FAM167A: variants seen among roughly 807,000 people sequenced by gnomAD.
FAM167A encodes the protein family with sequence similarity 167 member A.
Under a neutral mutation model 14.9 loss-of-function variants are expected in FAM167A, and 23 were observed. That is an observed-to-expected ratio of 1.55 (90% CI 1.11 to 2.19). The LOEUF (loss-of-function observed/expected upper bound fraction) is 2.19. FAM167A is among the 30% of genes most tolerant of loss of function. FAM167A has a pLI of 0.00. For missense variants in FAM167A, 401 were observed against 281.5 expected (o/e 1.42, Z -3.04); for synonymous variants, 174 against 117.7 (o/e 1.48, Z -3.10).
At chr8:11,473,284 G>A (rs1034333503) in intron 1 of FAM167A, among the ~76,000 whole-genome samples, 3 of 152,204 alleles carry the variant, frequency 2.0e-5, no homozygotes, top group African/African-American at 7.2e-5. Flanking sequence ...GAACACTGGT[G>A]TGGGGGGAAG....
intron 1 of FAM167A, among the ~76,000 whole-genome samples, chr8:11,451,299 G>A (rs907989759): frequency 6.6e-6 from 1 of 152,206 alleles, no homozygotes; most frequent in East Asian, 1.9e-4. Context: ...CAGTGGCAAG[G>A]AGCTGGGGGC....
intron 2 of FAM167A, among the ~76,000 whole-genome samples, chr8:11,435,335 A>T (rs1805933772): frequency 1.3e-5 from 2 of 152,154 alleles, no homozygotes; most frequent in African/African-American, 4.8e-5. Context: ...CATGGCACCC[A>T]CGTGTTGGGC....
intron 2 of FAM167A, among the ~76,000 whole-genome samples, chr8:11,429,049 G>A (rs972170446): frequency 2.6e-5 from 4 of 151,754 alleles, no homozygotes; most frequent in Admixed American, 6.6e-5. Flanking sequence ...ACGTTGTCGC[G>A]CAACCACCAT....
intron 1 of FAM167A, among the ~76,000 whole-genome samples, chr8:11,465,613 T>G (rs1223079468): frequency 6.6e-6 from 1 of 152,196 alleles, no homozygotes; most frequent in Admixed American, 6.5e-5. Context: ...GCCAACGCCC[T>G]CAGGCAACAG....
chr8:11,428,506 C>G (rs1438592020), intron 2 of FAM167A, among the ~76,000 whole-genome samples: 1 of 152,210 alleles, frequency 6.6e-6, no homozygotes. Context: ...GATGGTGATT[C>G]CGGCCGGTCT....
intron 2 of FAM167A, among the ~76,000 whole-genome samples, chr8:11,428,332 C>T (rs960042167): frequency 7.2e-5 from 11 of 152,168 alleles, no homozygotes; most frequent in African/African-American, 2.7e-4. Flanking sequence ...TCTTTAAGAC[C>T]CATCAGAGGC....
chr8:11,463,225 C>T (rs1028138969), intron 1 of FAM167A, among the ~76,000 whole-genome samples: 3 of 152,258 alleles, frequency 2.0e-5, no homozygotes, highest in African/African-American at 7.2e-5. Flanking sequence ...AAAATAGCAG[C>T]AGCCACACAA....
intron 1 of FAM167A, among the ~76,000 whole-genome samples, chr8:11,456,408 G>T (rs1397185392): frequency 8.3e-5 from 10 of 120,386 alleles, no homozygotes; most frequent in African/African-American, 9.3e-5. Context: ...AGTGTGGGGG[G>T]TGGTTGCCTT....
chr8:11,435,829 ATCAT>A (rs1399915899), intron 2 of FAM167A, among the ~76,000 whole-genome samples: 1 of 152,238 alleles, frequency 6.6e-6, no homozygotes, highest in African/African-American at 2.4e-5. Flanking sequence ...CACACTACTG[ATCAT>A]TTATGAGAAT....
At chr8:11,448,345 A>T (rs1419848964) in intron 1 of FAM167A, among the ~76,000 whole-genome samples, 1 of 152,230 alleles carries the variant, frequency 6.6e-6, no homozygotes, top group Non-Finnish European at 1.5e-5. Flanking sequence ...GGGATTCAAT[A>T]AGGTTACAAA....
rs921094245 is a variant in FAM167A at position 11,434,359 on chromosome 8, G to C, written c.381+9672C>G. ...CTGGCCTGGGACTGTGGATGGGAGG[G>C]GGGCAGGTGCAATGGCTCCTGTCAC... On this transcript the variant is annotated intron_variant, in intron 2 of 2. Coordinates refer to ENST00000284486, the MANE Select transcript of FAM167A (RefSeq NM_053279.3). Among the ~76,000 whole-genome samples the C allele has an allele frequency of 4.6e-5, 7 of 152,268 alleles. No individual in the cohort carries two copies. In the South Asian group the frequency reaches 1.0e-3, roughly 23 times the overall value.
At chr8:11,449,083 G>A (rs1390199863) in intron 1 of FAM167A, among the ~76,000 whole-genome samples, 1 of 152,250 alleles carries the variant, frequency 6.6e-6, no homozygotes, top group African/African-American at 2.4e-5. Context: ...GCCAGATGGT[G>A]AGGAGCTGCT....
At chr8:11,435,145 T>C (rs1444619182) in intron 2 of FAM167A, 3 of 456,548 alleles carry the variant, frequency 6.6e-6, no homozygotes, top group Admixed American at 2.3e-5. Flanking sequence ...TCCAGCCTCC[T>C]CTCCCACTCT....
chr8:11,440,345 A>G (rs1226562683), intron 2 of FAM167A, among the ~76,000 whole-genome samples: 1 of 152,194 alleles, frequency 6.6e-6, no homozygotes, highest in Non-Finnish European at 1.5e-5. Flanking sequence ...CATTAGCCTG[A>G]AGGAAAATCT....
intron 1 of FAM167A, among the ~76,000 whole-genome samples, chr8:11,457,072 G>A (rs1199660510): frequency 1.7e-5 from 2 of 117,964 alleles, no homozygotes; most frequent in Admixed American, 1.7e-4. Context: ...GCTGGGTTGG[G>A]GAAGTGGGCG....
chr8:11,441,227 G>C (rs1806415648), intron 2 of FAM167A, among the ~76,000 whole-genome samples: 1 of 152,212 alleles, frequency 6.6e-6, no homozygotes, highest in African/African-American at 2.4e-5. Flanking sequence ...AGTTATGACA[G>C]ACACAGGGCT....
intron 1 of FAM167A, among the ~76,000 whole-genome samples, chr8:11,456,140 T>TGA (rs1366997329): frequency 1.9e-4 from 4 of 21,190 alleles, no homozygotes; most frequent in Admixed American, 5.9e-4. Flanking sequence ...CCTTGCTGTG[T>TGA]GTGTGTGTGA....
chr8:11,444,104 C>G lies in FAM167A; in HGVS notation c.308G>C (p.Arg103Thr). 1 of 1,613,512 alleles carries G rather than the reference C, an allele frequency of 6.2e-7. No homozygotes were observed. Among genetic ancestry groups the G allele is most frequent in the African/African-American group, 1.3e-5 (1 of 75,076 alleles). Residue 103 changes from arginine (R) to threonine (T), a missense_variant, in exon 2 of 3, where the codon AGA (arginine) becomes ACA (threonine). Transcript: ENST00000284486. ...TTCCAGCTTGCCAGTGGACAGGGGT[C>G]TGGCACCTTGGCTGGCACTCCTGGC... ...PSARSASQGARPLSTGKLEGF... is the reference protein window; with the variant it reads ...PSARSASQGATPLSTGKLEGF...
intron 2 of FAM167A, chr8:11,438,278 A>G (rs1376729223): frequency 7.5e-6 from 3 of 401,584 alleles, no homozygotes; most frequent in South Asian, 3.7e-5. Context: ...CAGGAAAGGG[A>G]GAGCAGGCAG....
Sources: gnomAD v4.1 joint callset for allele counts (sites outside exome capture counted in the v4.1 genomes callset) on GRCh38, gnomAD v4.1.1 for gene constraint, MANE v1.5 for transcripts, NCBI Gene and HGNC (gene_info 2026-07-23, HGNC 2026-07-21) for gene names.